Variants in PPM1L observed in about 807,000 individuals in gnomAD.
PPM1L encodes the protein protein phosphatase 1L.
In PPM1L, 13 loss-of-function variants were observed where a neutral mutation model predicts 31.4. The observed-to-expected ratio is 0.41, with a 90% CI of 0.27 to 0.66. The LOEUF is 0.66. Ranked by LOEUF, PPM1L falls within the 30% of genes least tolerant of loss-of-function variation. The pLI is 0.29. For synonymous variants in PPM1L, 184 were observed against 175.4 expected, an observed-to-expected ratio of 1.05 and a Z score of -0.39; for missense variants, 326 against 453.7, an observed-to-expected ratio of 0.72 and a Z score of 2.56.
At chr3:160,786,183 G>GTATATATATA (rs1576636907) in intron 1 of PPM1L, among the ~76,000 whole-genome samples, 4 of 67,938 alleles carry the variant, frequency 5.9e-5, no homozygotes, top group African/African-American at 3.1e-4. Flanking sequence ...GTGTGTGTGT[G>GTATATATATA]TGTGTATATA....
intron 1 of PPM1L, among the ~76,000 whole-genome samples, chr3:160,774,546 T>C (rs537283289): frequency 1.3e-5 from 2 of 152,364 alleles, no homozygotes; most frequent in African/African-American, 4.8e-5. Flanking sequence ...CTCTGAAATT[T>C]TGGGTTCTCA....
chr3:160,902,927 T>G (rs551413386), intron 1 of PPM1L, among the ~76,000 whole-genome samples: 1 of 152,220 alleles, frequency 6.6e-6, no homozygotes, highest in Non-Finnish European at 1.5e-5. Flanking sequence ...TCACATATCA[T>G]TTACTCTGAA....
intron 2 of PPM1L, among the ~76,000 whole-genome samples, chr3:160,991,439 C>T (rs181680498): frequency 1.3e-5 from 2 of 152,110 alleles, no homozygotes; most frequent in African/African-American, 4.8e-5. Flanking sequence ...GTTAAGAATC[C>T]CCAAGGAGAG....
At chr3:160,904,713 T>G (rs1713682441) in intron 1 of PPM1L, among the ~76,000 whole-genome samples, 1 of 139,694 alleles carries the variant, frequency 7.2e-6, no homozygotes. Flanking sequence ...CACATTATAT[T>G]ATGGGGGGAA....
chr3:160,852,104 AT>A (rs560999330), intron 1 of PPM1L, among the ~76,000 whole-genome samples: 152 of 152,310 alleles, frequency 1.0e-3, no homozygotes, highest in Middle Eastern at 6.8e-3. Context: ...TGTGAATTTA[AT>A]GTTCATGACA....
intron 1 of PPM1L, among the ~76,000 whole-genome samples, chr3:160,831,193 A>G (rs1713516439): frequency 6.6e-6 from 1 of 152,212 alleles, no homozygotes; most frequent in African/African-American, 2.4e-5. Context: ...GATGAGTTGG[A>G]TGTTCCCAAC....
rs529803929 is a variant in PPM1L, at chr3:160,761,326, T to C, written c.399+4619T>C. ...TCCATCATTTGCTTTTATTGAATTG[T>C]TTGCTGTCATTTGCCTGTGAGGGTT... On this transcript the variant is annotated intron_variant, in intron 1 of 3. Transcript: ENST00000498165. Among the ~76,000 whole-genome samples, 3 of 152,346 alleles carry C rather than the reference T, an allele frequency of 2.0e-5. No homozygotes were observed. The South Asian group carries it at 6.2e-4, about 32-fold the overall frequency.
intron 2 of PPM1L, among the ~76,000 whole-genome samples, chr3:161,046,704 A>C (rs1719087955): frequency 6.6e-6 from 1 of 152,316 alleles, no homozygotes; most frequent in South Asian, 2.1e-4. Context: ...AATACTGGCA[A>C]ACCGAATCCA....
At chr3:160,786,531 T>A (rs1370194502) in intron 1 of PPM1L, among the ~76,000 whole-genome samples, 1 of 151,558 alleles carries the variant, frequency 6.6e-6, no homozygotes, top group Non-Finnish European at 1.5e-5. Context: ...TTTTGTTTTT[T>A]AATTACGAGT....
At chr3:160,795,954 A>G (rs1712235496) in intron 1 of PPM1L, among the ~76,000 whole-genome samples, 1 of 152,168 alleles carries the variant, frequency 6.6e-6, no homozygotes, top group South Asian at 2.1e-4. Flanking sequence ...TCCCAGAGAA[A>G]GCCCTAATAA....
intron 1 of PPM1L, among the ~76,000 whole-genome samples, chr3:160,858,788 T>C (rs1339577021): frequency 1.3e-5 from 2 of 152,200 alleles, no homozygotes; most frequent in Admixed American, 6.5e-5. Flanking sequence ...GCTTGAGATA[T>C]AGTCCTAACT....
At chr3:160,779,485 C>A (rs1427364913) in intron 1 of PPM1L, among the ~76,000 whole-genome samples, 1 of 152,012 alleles carries the variant, frequency 6.6e-6, no homozygotes, top group African/African-American at 2.4e-5. Context: ...GATGTGGACT[C>A]CCACACCTAA....
chr3:160,895,734 A>G (rs962496560), intron 1 of PPM1L, among the ~76,000 whole-genome samples: 2 of 152,180 alleles, frequency 1.3e-5, no homozygotes, highest in African/African-American at 4.8e-5. Flanking sequence ...CAAACCCCCA[A>G]TATCTGTTGG....
chr3:160,987,550 A>G (rs1717003463), intron 2 of PPM1L, among the ~76,000 whole-genome samples: 1 of 152,220 alleles, frequency 6.6e-6, no homozygotes, highest in South Asian at 2.1e-4. Context: ...GATCAAAGGG[A>G]GGTAGAAGTG....
intron 1 of PPM1L, among the ~76,000 whole-genome samples, chr3:160,761,136 A>G (rs1374968233): frequency 6.6e-6 from 1 of 152,246 alleles, no homozygotes; most frequent in Non-Finnish European, 1.5e-5. Context: ...TCCCCAGAAA[A>G]AAGGACATGC....
chr3:160,836,316 A>AAGAGAGAG (rs113812255), intron 1 of PPM1L, among the ~76,000 whole-genome samples: 9 of 147,628 alleles, frequency 6.1e-5, no homozygotes, highest in African/African-American at 2.2e-4. Flanking sequence ...GAAGGAAAGG[A>AAGAGAGAG]AGAGAGAGAG....
rs1378608279 is a variant in PPM1L at position 160,796,701 on chromosome 3, A to G, written c.399+39994A>G. Among the ~76,000 whole-genome samples, 3 of 152,258 alleles carry G rather than the reference A, an allele frequency of 2.0e-5. No individual in the cohort carries two copies. The East Asian group carries it at 5.8e-4, about 29-fold the overall frequency. On this transcript the variant is annotated intron_variant, in intron 1 of 3. Coordinates refer to ENST00000498165, the MANE Select transcript of PPM1L (RefSeq NM_139245.4). ...GCATTTAAATTTGATTCTCCCCTTT[A>G]CTAGCTTTCTCCTGGCTTCTCTGAG... is the stretch of plus-strand genomic sequence containing the variant.
At chr3:160,838,426 C>T (rs1713779413) in intron 1 of PPM1L, among the ~76,000 whole-genome samples, 1 of 152,100 alleles carries the variant, frequency 6.6e-6, no homozygotes, top group African/African-American at 2.4e-5. Flanking sequence ...CCCAAGGAAA[C>T]ATAGCATGTT....
intron 2 of PPM1L, among the ~76,000 whole-genome samples, chr3:161,045,779 A>C (rs1490551468): frequency 1.3e-5 from 2 of 152,150 alleles, no homozygotes; most frequent in Non-Finnish European, 2.9e-5. Context: ...ATCAGAGTAG[A>C]ACTGAAGGAG....
Sources: allele counts gnomAD v4.1 joint callset (sites outside exome capture counted in the v4.1 genomes callset), GRCh38; gene constraint gnomAD v4.1.1; transcripts MANE v1.5; gene names NCBI Gene and HGNC (gene_info 2026-07-23, HGNC 2026-07-21).